Variants in ATP8A2 observed in about 807,000 individuals in gnomAD.
ATP8A2 encodes phospholipid-transporting ATPase IB.
ATP8A2 carries 100 observed loss-of-function variants against 165.6 expected under a neutral mutation model. The observed-to-expected ratio is 0.60, with a 90% CI of 0.51 to 0.71. The LOEUF is 0.71. ATP8A2 is among the 30% of genes least tolerant of loss of function. The probability of loss-of-function intolerance (pLI) is 0.00; values close to 1 mark genes in which losing one functional copy is unlikely to be tolerated. For missense variants in ATP8A2, 1,227 were observed against 1,479.5 expected (o/e 0.83, Z 2.80); for synonymous variants, 543 against 548.8 (o/e 0.99, Z 0.15).
chr13:25,402,349 A>G (rs1314071259), intron 1 of ATP8A2, among the ~76,000 whole-genome samples: 1 of 152,344 alleles, frequency 6.6e-6, no homozygotes, highest in East Asian at 1.9e-4. Flanking sequence ...CGGCTCTTGT[A>G]TATGAGAGCA....
At chr13:25,794,747 C>T (rs931932512) in intron 27 of ATP8A2, among the ~76,000 whole-genome samples, 4 of 151,602 alleles carry the variant, frequency 2.6e-5, no homozygotes, top group African/African-American at 9.7e-5. Flanking sequence ...GTATTTGAAT[C>T]AGGCCAAGGA....
chr13:25,879,914 G>GT (rs1184696988), intron 33 of ATP8A2, among the ~76,000 whole-genome samples: 5 of 152,176 alleles, frequency 3.3e-5, no homozygotes, highest in Non-Finnish European at 7.4e-5. Context: ...AATTGATTAA[G>GT]TTTAAGAAAT....
intron 1 of ATP8A2, among the ~76,000 whole-genome samples, chr13:25,423,347 T>G (rs1208219116): frequency 6.6e-6 from 1 of 152,252 alleles, no homozygotes; most frequent in Non-Finnish European, 1.5e-5. Flanking sequence ...TCTCATAGTG[T>G]GTGTGTACCA....
intron 2 of ATP8A2, among the ~76,000 whole-genome samples, chr13:25,478,618 G>A (rs1011787994): frequency 6.6e-6 from 1 of 152,122 alleles, no homozygotes; most frequent in Non-Finnish European, 1.5e-5. Context: ...TTTTATATTA[G>A]ATGTCATTAA....
Position 25,574,830 on chromosome 13 carries a change from G to T in ATP8A2, c.1685G>T (p.Gly562Val). Residue 562 changes from glycine (G) to valine (V), a missense_variant, in exon 19 of 37, where the codon GGA becomes GTA. Physicochemically the swap from Gly to Val is moderately radical, Grantham distance 109 (BLOSUM62 -3). Coordinates refer to ENST00000381655, the MANE Select transcript of ATP8A2 (RefSeq NM_016529.6). Reference sequence around the variant, plus strand: ...TAGATGGGACAGGAACAAACATTCGGAATCCTTAATGTCCTGGAATTTTCT... The same window carrying T: ...TAGATGGGACAGGAACAAACATTCGTAATCCTTAATGTCCTGGAATTTTCT... ...IEAMGQEQTF[G>V]ILNVLEFSSD... 6.4e-7 allele frequency: 1 copy of T among 1,558,944 alleles called. No homozygotes were observed. The highest frequency in any genetic ancestry group is 8.8e-7 in the Non-Finnish European group (1 of 1,131,388).
intron 1 of ATP8A2, among the ~76,000 whole-genome samples, chr13:25,435,002 T>C (rs914369577): frequency 6.6e-6 from 1 of 152,178 alleles, no homozygotes; most frequent in Non-Finnish European, 1.5e-5. Flanking sequence ...CTGCTCTTCT[T>C]GGGATCTATG....
chr13:25,888,891 A>G (rs1293396995), intron 33 of ATP8A2, among the ~76,000 whole-genome samples: 1 of 152,170 alleles, frequency 6.6e-6, no homozygotes, highest in Non-Finnish European at 1.5e-5. Flanking sequence ...TCATGGGGTC[A>G]TTTGTATAGA....
chr13:25,728,320 G>C (rs9511896), intron 25 of ATP8A2, among the ~76,000 whole-genome samples: 23,921 of 152,076 alleles, frequency 0.16, 2,026 homozygotes, highest in South Asian at 0.19. Flanking sequence ...GGAATCAGGA[G>C]TTTTCTCATG....
chr13:25,687,079 AAAG>A (rs1337653681), intron 24 of ATP8A2, among the ~76,000 whole-genome samples: 1 of 152,136 alleles, frequency 6.6e-6, no homozygotes, highest in Admixed American at 6.5e-5. Flanking sequence ...TCACGGCCCC[AAAG>A]AAGAAGGGAG....
chr13:25,669,081 A>G (rs1278118433), intron 24 of ATP8A2, among the ~76,000 whole-genome samples: 1 of 151,852 alleles, frequency 6.6e-6, no homozygotes, highest in African/African-American at 2.4e-5. Flanking sequence ...TATGAATGGG[A>G]CATACTTTTT....
chr13:25,931,411 T>C (rs1213271139), intron 33 of ATP8A2, among the ~76,000 whole-genome samples: 1 of 152,228 alleles, frequency 6.6e-6, no homozygotes, highest in Admixed American at 6.5e-5. Flanking sequence ...TAAGGGATAT[T>C]CAACCTGTAT....
intron 27 of ATP8A2, among the ~76,000 whole-genome samples, chr13:25,795,904 A>C (rs781193224): frequency 1.6e-4 from 25 of 152,020 alleles, no homozygotes; most frequent in Admixed American, 7.9e-4. Flanking sequence ...TATCTGTGAG[A>C]TGGAACTAGA....
intron 27 of ATP8A2, among the ~76,000 whole-genome samples, chr13:25,811,530 A>G (rs1330401882): frequency 6.6e-6 from 1 of 152,176 alleles, no homozygotes; most frequent in African/African-American, 2.4e-5. Flanking sequence ...TCTTCTATTC[A>G]TAAACCCTAA....
intron 23 of ATP8A2, among the ~76,000 whole-genome samples, chr13:25,583,044 G>A (rs2039818647): frequency 1.3e-5 from 2 of 152,216 alleles, no homozygotes; most frequent in Admixed American, 6.5e-5. Flanking sequence ...TGTGCTGGTT[G>A]TCATTCAGAT....
chr13:25,717,160 C>T (rs1345246999), intron 25 of ATP8A2, among the ~76,000 whole-genome samples: 1 of 152,102 alleles, frequency 6.6e-6, no homozygotes, highest in Non-Finnish European at 1.5e-5. Context: ...CTTGTTCATT[C>T]GTTCATTCAT....
intron 27 of ATP8A2, among the ~76,000 whole-genome samples, chr13:25,794,797 C>A (rs903270266): frequency 2.7e-5 from 4 of 147,710 alleles, no homozygotes; most frequent in African/African-American, 1.0e-4. Flanking sequence ...TATTGAAATT[C>A]TGCCCCAACG....
intron 2 of ATP8A2, among the ~76,000 whole-genome samples, chr13:25,513,762 C>G: frequency 6.6e-6 from 1 of 152,182 alleles, no homozygotes. Flanking sequence ...GGAGACCAGC[C>G]CGGGCAACAC....
intron 35 of ATP8A2, among the ~76,000 whole-genome samples, chr13:25,973,871 G>C (rs1265667587): frequency 6.6e-6 from 1 of 152,132 alleles, no homozygotes; most frequent in East Asian, 1.9e-4. Context: ...GTGCACATGT[G>C]GTGCATCTCC....
rs1392401538 is a variant in ATP8A2 at position 25,893,988 on chromosome 13, G to A, written c.3183+31580G>A. Among the ~76,000 whole-genome samples, 3 of 152,302 alleles carry A rather than the reference G, an allele frequency of 2.0e-5. No homozygotes were observed. The East Asian group carries it at 5.8e-4, about 29-fold the overall frequency. On this transcript the variant is annotated intron_variant, in intron 33 of 36. Coordinates refer to ENST00000381655, the MANE Select transcript of ATP8A2 (RefSeq NM_016529.6). ...GTTTCTCCCATTCTGTAGGATGCCT[G>A]TTCACTCTGATGGTGGTTTCTTTTG...
Sources: allele counts gnomAD v4.1 joint callset (sites outside exome capture counted in the v4.1 genomes callset), GRCh38; gene constraint gnomAD v4.1.1; transcripts MANE v1.5; gene names NCBI Gene and HGNC (gene_info 2026-07-23, HGNC 2026-07-21).